The following TRAM2 variants were observed in gnomAD, a reference collection of about 807,000 sequenced individuals.
TRAM2 encodes translocation associated membrane protein 2.
Under a neutral mutation model 51.0 loss-of-function variants are expected in TRAM2, and 12 were observed. That is an observed-to-expected ratio of 0.24 (90% CI 0.15 to 0.38). The LOEUF (loss-of-function observed/expected upper bound fraction) is 0.38, where lower values mean the gene tolerates loss of function less well. TRAM2 is among the 10% of genes least tolerant of loss of function. The pLI, the probability that TRAM2 is intolerant of heterozygous loss-of-function variation, is 1.00. For synonymous variants in TRAM2, 175 were observed against 179.4 expected, an observed-to-expected ratio of 0.98 and a Z score of 0.20; for missense variants, 361 against 462.0, an observed-to-expected ratio of 0.78 and a Z score of 2.00.
rs1766137277 is a variant in TRAM2 at position 52,498,556 on chromosome 6, GGA to G, written c.*4639_*4640del. ...AAGGAGTTTGCTATGTGGGGCCAGA[GGA>G]GAGTTTTCGAAGTGGGGGCTGGAAG... On this transcript the variant is annotated 3_prime_UTR_variant, in exon 11 of 11. Coordinates refer to ENST00000182527, the MANE Select transcript of TRAM2 (RefSeq NM_012288.4). The G allele has an allele frequency of 1.3e-5, 2 of 152,234 alleles. No homozygotes were observed. The allele number at this position is 152,234 out of a possible 1,614,324, so 9.4% of individuals were successfully genotyped here.
intron 1 of TRAM2, among the ~76,000 whole-genome samples, chr6:52,565,642 ACAGC>A (rs1469748302): frequency 6.6e-6 from 1 of 152,208 alleles, no homozygotes; most frequent in East Asian, 1.9e-4. Flanking sequence ...TTAGAGATGA[ACAGC>A]ACACAATGGA....
rs1054301308 is a variant in TRAM2, at chr6:52,544,676, G to A, written c.121-8830C>T. Among the ~76,000 whole-genome samples the A allele has an allele frequency of 8.5e-5, 13 of 152,194 alleles. No homozygotes were observed. The South Asian group carries it at 1.4e-3, about 17-fold the overall frequency. On this transcript the variant is annotated intron_variant, in intron 1 of 10. Coordinates refer to ENST00000182527, the MANE Select transcript of TRAM2 (RefSeq NM_012288.4). The stretch of plus-strand genomic sequence containing the variant: ...TTCATGATGATGATTTGATTCCAGC[G>A]TCTTAAACCAAGGCCAAGAACATTA...
rs1766307562 is a variant in TRAM2 at position 52,504,600 on chromosome 6, T to G, written c.1030A>C (p.Arg344=). 4.3e-6 allele frequency: 7 copies of G among 1,613,996 alleles called. No individual in the cohort carries two copies. The East Asian group carries it at 1.3e-4, about 31-fold the overall frequency. The part of the protein sequence containing the change: ...TPRLPARLIK[R]ESGYHENGVV... Reference sequence around the variant, plus strand: ...GGGCCCTGGCACTCACCAGATTCCCTCTTGATGAGCCTGGCTGGTAGTCTG... The same window carrying G: ...GGGCCCTGGCACTCACCAGATTCCCGCTTGATGAGCCTGGCTGGTAGTCTG... The change falls in exon 10 of 11, where the codon AGG becomes CGG. Residue 344 remains arginine (R), a synonymous_variant. Coordinates refer to ENST00000182527, the MANE Select transcript of TRAM2 (RefSeq NM_012288.4).
intron 1 of TRAM2, among the ~76,000 whole-genome samples, chr6:52,557,202 A>C (rs560125452): frequency 1.2e-4 from 18 of 152,188 alleles, no homozygotes; most frequent in African/African-American, 4.3e-4. Context: ...CAAAAAAAAA[A>C]GATATGTCTG....
intron 2 of TRAM2, among the ~76,000 whole-genome samples, chr6:52,519,625 CAGTAATT>C (rs1383436978): frequency 1.1e-4 from 17 of 152,180 alleles, no homozygotes; most frequent in Non-Finnish European, 2.4e-4. Flanking sequence ...CCACATATTT[CAGTAATT>C]CCACTTCTGA....
intron 5 of TRAM2, among the ~76,000 whole-genome samples, chr6:52,508,742 C>G (rs538637617): frequency 6.6e-6 from 1 of 152,206 alleles, no homozygotes; most frequent in Non-Finnish European, 1.5e-5. Flanking sequence ...TTAAAGATCT[C>G]GGGAAAGGCA....
rs900068359 is a variant in TRAM2, at chr6:52,505,631, G to A, written c.843C>T (p.Pro281=). The change falls in exon 9 of 11, where the codon CCC becomes CCT. Residue 281 remains proline (P), a synonymous_variant. Transcript: ENST00000182527. ...LARMENQAFD[P]EKGNFNTLFC... is the part of the protein sequence containing the mutation. ...ACAAAGTGTTGAAGTTCCCTTTCTC[G>A]GGATCAAATGCCTGGTTTTCCATGC... is the stretch of plus-strand genomic sequence containing the variant. The A allele has an allele frequency of 9.9e-6, 16 of 1,612,938 alleles. No individual in the cohort carries two copies. The highest frequency in any genetic ancestry group is 2.2e-5 in the East Asian group (1 of 44,856).
In TRAM2 at chr6:52,516,648, C is replaced by T; in HGVS notation, c.274G>A (p.Val92Ile). The change falls in exon 3 of 11, where the codon GTT becomes ATT. Residue 92 changes from valine to isoleucine, a missense_variant. Coordinates refer to ENST00000182527, the MANE Select transcript of TRAM2 (RefSeq NM_012288.4). Reference protein sequence around the residue: ...IFITIILHAVVQEYILDKISK... With the variant: ...IFITIILHAVIQEYILDKISK... ...CTTACATCTAAAATGTACTCCTGAA[C>T]CACAGCATGCAAGATGATGGTGATG... 6.2e-7 allele frequency: 1 copy of T among 1,613,968 alleles called. No individual in the cohort carries two copies. Among genetic ancestry groups the T allele is most frequent in the Non-Finnish European group, 8.5e-7 (1 of 1,179,860 alleles).
intron 1 of TRAM2, among the ~76,000 whole-genome samples, chr6:52,562,216 C>T (rs184489407): frequency 6.6e-6 from 1 of 152,280 alleles, no homozygotes; most frequent in African/African-American, 2.4e-5. Context: ...GCAATGCCTC[C>T]TGCCCTCAAA....
At chr6:52,511,195 G>T (rs1766445828) in intron 4 of TRAM2, among the ~76,000 whole-genome samples, 1 of 152,162 alleles carries the variant, frequency 6.6e-6, no homozygotes, top group African/African-American at 2.4e-5. Flanking sequence ...CCTCTGCCTT[G>T]CAGGTTCAAG....
chr6:52,542,345 C>T (rs1801098), intron 1 of TRAM2, among the ~76,000 whole-genome samples: 33,532 of 151,048 alleles, frequency 0.22, 3,927 homozygotes, highest in Non-Finnish European at 0.27. Context: ...CACCTGCATG[C>T]GCCAGGTATG....
Position 52,547,135 on chromosome 6 carries a change from G to A in TRAM2, c.121-11289C>T, listed in dbSNP as rs576314676. ...AACTCTGAAGGAAAGCAAAGAGCTC[G>A]GGAGCTAGAGAGGAGTGGACAGTCA... On this transcript the variant is annotated intron_variant, in intron 1 of 10. Transcript: ENST00000182527. Among the ~76,000 whole-genome samples the A allele has an allele frequency of 2.0e-3, 309 of 152,280 alleles. 1 individual carries two copies. Among genetic ancestry groups the A allele is most frequent in the Non-Finnish European group, 1.5e-3 (99 of 68,024 alleles).
chr6:52,550,986 G>C (rs1336357011), intron 1 of TRAM2, among the ~76,000 whole-genome samples: 1 of 152,200 alleles, frequency 6.6e-6, no homozygotes, highest in Non-Finnish European at 1.5e-5. Flanking sequence ...AATTTCCAAA[G>C]GACCAACAGT....
intron 4 of TRAM2, among the ~76,000 whole-genome samples, chr6:52,514,927 G>T (rs1315745955): frequency 6.6e-6 from 1 of 152,224 alleles, no homozygotes; most frequent in East Asian, 1.9e-4. Flanking sequence ...TTGCCTGAGA[G>T]GACAGAAGTC....
intron 2 of TRAM2, among the ~76,000 whole-genome samples, chr6:52,532,283 T>C (rs1478708264): frequency 6.6e-6 from 1 of 152,234 alleles, no homozygotes; most frequent in African/African-American, 2.4e-5. Flanking sequence ...AGGATAATTC[T>C]TTCTCATGGT....
At chr6:52,522,826 G>A (rs1239925223) in intron 2 of TRAM2, 3 of 687,756 alleles carry the variant, frequency 4.4e-6, no homozygotes, top group Middle Eastern at 2.3e-4. Context: ...GTCACATTCT[G>A]CTTGACCTCC....
chr6:52,520,863 G>C (rs1480113959), intron 2 of TRAM2, among the ~76,000 whole-genome samples: 1 of 152,088 alleles, frequency 6.6e-6, no homozygotes, highest in Non-Finnish European at 1.5e-5. Flanking sequence ...GCTATATTCT[G>C]ATTCGCACAA....
At chr6:52,553,837 AC>A (rs1292003839) in intron 1 of TRAM2, among the ~76,000 whole-genome samples, 7 of 152,338 alleles carry the variant, frequency 4.6e-5, no homozygotes, top group African/African-American at 1.7e-4. Context: ...AAGGCCTAGC[AC>A]ATCACAGGTA....
intron 2 of TRAM2, among the ~76,000 whole-genome samples, chr6:52,518,765 G>A (rs979478847): frequency 6.6e-6 from 1 of 152,184 alleles, no homozygotes; most frequent in Non-Finnish European, 1.5e-5. Context: ...CACATGTGAC[G>A]CCAGGATTAC....
Sources: allele counts gnomAD v4.1 joint callset (sites outside exome capture counted in the v4.1 genomes callset), GRCh38; gene constraint gnomAD v4.1.1; transcripts MANE v1.5; gene names NCBI Gene and HGNC (gene_info 2026-07-23, HGNC 2026-07-21).